ATRNL1: variants seen among roughly 807,000 people sequenced by gnomAD.
The protein encoded by ATRNL1 is attractin-like protein 1.
A neutral mutation model predicts 182.7 loss-of-function variants in ATRNL1; 95 were observed. The observed-to-expected ratio is 0.52, with a 90% CI of 0.44 to 0.62. The LOEUF (loss-of-function observed/expected upper bound fraction) is 0.62, where lower values mean the gene tolerates loss of function less well. ATRNL1 is among the 20% of genes least tolerant of loss of function. The probability of loss-of-function intolerance (pLI) is 0.00; values close to 1 mark genes in which losing one functional copy is unlikely to be tolerated. For missense variants in ATRNL1, 1,471 were observed against 1,679.5 expected (o/e 0.88, Z 2.17); for synonymous variants, 576 against 568.3 (o/e 1.01, Z -0.19).
At chr10:115,866,417 T>G (rs1555104780) in intron 28 of ATRNL1, among the ~76,000 whole-genome samples, 1 of 152,246 alleles carries the variant, frequency 6.6e-6, no homozygotes, top group Admixed American at 6.5e-5. Context: ...AGGTACTTAC[T>G]GTGATTCAGT....
At chr10:115,619,473 G>C (rs573743414) in intron 26 of ATRNL1, among the ~76,000 whole-genome samples, 8 of 152,274 alleles carry the variant, frequency 5.3e-5, no homozygotes, top group Middle Eastern at 3.4e-3. Context: ...ATTGTGTCAG[G>C]GGTGGGTGCT....
At chr10:115,259,816 T>C (rs181924683) in intron 10 of ATRNL1, among the ~76,000 whole-genome samples, 1 of 152,286 alleles carries the variant, frequency 6.6e-6, no homozygotes, top group African/African-American at 2.4e-5. Context: ...TAGGCTTTCA[T>C]TGCTAATCAA....
intron 26 of ATRNL1, among the ~76,000 whole-genome samples, chr10:115,687,610 A>G (rs546224353): frequency 1.3e-5 from 2 of 152,196 alleles, no homozygotes; most frequent in South Asian, 4.1e-4. Context: ...TGAGATATTA[A>G]TTTCATTGCC....
At chr10:115,858,315 A>G (rs782118570) in intron 28 of ATRNL1, among the ~76,000 whole-genome samples, 1 of 152,230 alleles carries the variant, frequency 6.6e-6, no homozygotes, top group Non-Finnish European at 1.5e-5. Flanking sequence ...GCCTGGATAA[A>G]GAAAATGTGG....
At chr10:115,286,999 G>A (rs1344358538) in intron 15 of ATRNL1, among the ~76,000 whole-genome samples, 1 of 151,708 alleles carries the variant, frequency 6.6e-6, no homozygotes, top group African/African-American at 2.4e-5. Context: ...TTACATAAGG[G>A]GTATGATATT....
At chr10:115,426,927 G>A (rs1393633533) in intron 21 of ATRNL1, among the ~76,000 whole-genome samples, 4 of 152,084 alleles carry the variant, frequency 2.6e-5, no homozygotes, top group African/African-American at 7.2e-5. Flanking sequence ...GTTTTGCCAC[G>A]TTGGTCAGGC....
Position 115,943,897 on chromosome 10 carries a change from C to T in ATRNL1, c.4019-761C>T, listed in dbSNP as rs542090398. ...AAAAAGAAAAAAAGAGATGGAGGTA[C>T]GTTAAATACATATTTCTAAGTGAAA... On this transcript the variant is annotated intron_variant, in intron 28 of 28. Coordinates refer to ENST00000355044, the MANE Select transcript of ATRNL1 (RefSeq NM_207303.4). Among the ~76,000 whole-genome samples, 32 of 152,138 alleles carry T rather than the reference C, an allele frequency of 2.1e-4. No homozygotes were observed. In the South Asian group the frequency reaches 5.8e-3, roughly 28 times the overall value.
At chr10:115,531,077 G>C (rs1274308623) in intron 25 of ATRNL1, among the ~76,000 whole-genome samples, 3 of 151,944 alleles carry the variant, frequency 2.0e-5, no homozygotes, top group Admixed American at 6.6e-5. Flanking sequence ...GAATAGTGCC[G>C]CAATAAACAT....
chr10:115,871,068 C>A (rs1951567273), intron 28 of ATRNL1, among the ~76,000 whole-genome samples: 1 of 151,978 alleles, frequency 6.6e-6, no homozygotes, highest in African/African-American at 2.4e-5. Context: ...AAAAGGAATG[C>A]TTTTTTTCAA....
In ATRNL1 at chr10:115,573,950, A is replaced by G. The variant is rs782726685; in HGVS notation, c.3795+24414A>G. Among the ~76,000 whole-genome samples, 4 of 152,318 alleles carry G rather than the reference A, an allele frequency of 2.6e-5. No homozygotes were observed. In the South Asian group the frequency reaches 8.3e-4, roughly 32 times the overall value. ...GAAAAGAGTTGAAAGACAAAGCTGA[A>G]AAGATACTTCTGTGTCCGATTGTAG... On this transcript the variant is annotated intron_variant, in intron 26 of 28. Coordinates refer to ENST00000355044, the MANE Select transcript of ATRNL1 (RefSeq NM_207303.4).
In ATRNL1 at chr10:115,877,306, C is replaced by T. The variant is rs112783693; in HGVS notation, c.4018+29315C>T. On this transcript the variant is annotated intron_variant, in intron 28 of 28. Coordinates refer to ENST00000355044, the MANE Select transcript of ATRNL1 (RefSeq NM_207303.4). ...CAAATCAGTATCTAAAGCCTATACA[C>T]ATGGCTAGAAACAAAGCTACCCATA... 5.4e-3 allele frequency among the ~76,000 whole-genome samples: 830 copies of T among 152,340 alleles called. 7 individuals carry two copies. The highest frequency in any genetic ancestry group is 0.019 in the African/African-American group (781 of 41,574).
chr10:115,442,139 C>G (rs1331193117), intron 21 of ATRNL1, among the ~76,000 whole-genome samples: 1 of 151,984 alleles, frequency 6.6e-6, no homozygotes, highest in Non-Finnish European at 1.5e-5. Context: ...TGAGATCTTT[C>G]ATGGTTTTCC....
At chr10:115,596,084 G>C (rs566800955) in intron 26 of ATRNL1, among the ~76,000 whole-genome samples, 1 of 152,190 alleles carries the variant, frequency 6.6e-6, no homozygotes, top group South Asian at 2.1e-4. Context: ...TTGGTGTTCG[G>C]AAATGTGACG....
chr10:115,937,566 G>A (rs1282790094), intron 28 of ATRNL1, among the ~76,000 whole-genome samples: 3 of 152,166 alleles, frequency 2.0e-5, no homozygotes, highest in Non-Finnish European at 4.4e-5. Flanking sequence ...TTGCATATTG[G>A]CGAGGGTGGC....
chr10:115,907,134 A>G (rs1373759489), intron 28 of ATRNL1, among the ~76,000 whole-genome samples: 1 of 152,214 alleles, frequency 6.6e-6, no homozygotes, highest in African/African-American at 2.4e-5. Context: ...CACGTCTTCT[A>G]AGTGGTAGAG....
chr10:115,843,676 T>G (rs1950861730), intron 27 of ATRNL1, among the ~76,000 whole-genome samples: 1 of 152,002 alleles, frequency 6.6e-6, no homozygotes, highest in South Asian at 2.1e-4. Context: ...GAATAAAGGA[T>G]GTGATTAGAT....
chr10:115,449,415 G>A (rs1018269778), intron 21 of ATRNL1, among the ~76,000 whole-genome samples: 1 of 152,050 alleles, frequency 6.6e-6, no homozygotes, highest in Admixed American at 6.6e-5. Flanking sequence ...ACTTTCATTG[G>A]CAATAAAATC....
intron 24 of ATRNL1, among the ~76,000 whole-genome samples, chr10:115,477,706 G>A (rs778641636): frequency 1.3e-5 from 2 of 151,506 alleles, no homozygotes; most frequent in South Asian, 2.1e-4. Context: ...ACAAATACTC[G>A]TTATCATGGA....
intron 19 of ATRNL1, among the ~76,000 whole-genome samples, chr10:115,385,097 C>T (rs567314648): frequency 1.3e-4 from 20 of 152,062 alleles, no homozygotes; most frequent in African/African-American, 4.3e-4. Flanking sequence ...AATTTGTAAA[C>T]GTATGTGTCA....
Sources: gnomAD v4.1 joint callset for allele counts (sites outside exome capture counted in the v4.1 genomes callset) on GRCh38, gnomAD v4.1.1 for gene constraint, MANE v1.5 for transcripts, NCBI Gene and HGNC (gene_info 2026-07-23, HGNC 2026-07-21) for gene names.